The following CHRM2 variants were observed in gnomAD, a reference collection of about 807,000 sequenced individuals.
The protein encoded by CHRM2 is muscarinic acetylcholine receptor M2.
Under a neutral mutation model 25.0 loss-of-function variants are expected in CHRM2, and 8 were observed. That is an observed-to-expected ratio of 0.32 (90% CI 0.19 to 0.58). The LOEUF (loss-of-function observed/expected upper bound fraction) is 0.58, where lower values mean the gene tolerates loss of function less well. CHRM2 is among the 20% of genes least tolerant of loss of function. CHRM2 has a pLI of 0.88. For missense variants in CHRM2, 440 were observed against 567.1 expected (o/e 0.78, Z 2.28); for synonymous variants, 202 against 205.7 (o/e 0.98, Z 0.15).
chr7:137,015,771 C>G lies in CHRM2; in HGVS notation c.906C>G (p.Thr302=). The part of the protein sequence containing the change: ...VASNMRDDEI[T]QDENTVSTSL... ...CTAATATGAGAGATGATGAAATAACCCAGGATGAAAACACAGTTTCCACTT... is the reference window on the plus strand; with the variant it reads ...CTAATATGAGAGATGATGAAATAACGCAGGATGAAAACACAGTTTCCACTT... The change falls in exon 4 of 4, where the codon ACC becomes ACG. Residue 302 remains threonine, a synonymous_variant. Transcript: ENST00000680005. The surrounding 1 kb of genome is among the most constrained non-coding windows in gnomAD (Gnocchi z 5.1). The G allele has an allele frequency of 1.2e-6, 2 of 1,613,094 alleles. No homozygotes were observed. The highest frequency in any genetic ancestry group is 1.7e-6 in the Non-Finnish European group (2 of 1,179,484).
chr7:136,908,199 T>C (rs1797659244), intron 2 of CHRM2, among the ~76,000 whole-genome samples: 1 of 151,960 alleles, frequency 6.6e-6, no homozygotes, highest in Admixed American at 6.6e-5. Flanking sequence ...ATTACAGTTT[T>C]AGATCATCCT....
chr7:137,011,897 A>G (rs1403090440), intron 3 of CHRM2, among the ~76,000 whole-genome samples: 1 of 151,958 alleles, frequency 6.6e-6, no homozygotes, highest in African/African-American at 2.4e-5. Flanking sequence ...GGATTTCAAC[A>G]TTCAGAATTT....
At chr7:137,014,741 T>C in intron 3 of CHRM2, 79 bp from the exon 4 acceptor site, 1 of 913,940 alleles carries the variant, frequency 1.1e-6, no homozygotes, top group South Asian at 1.6e-5. Context: ...AATAATGTGG[T>C]TTAAAAGGAG....
At chr7:136,914,046 C>T (rs1320998342) in intron 2 of CHRM2, 1 of 151,894 alleles carries the variant, frequency 6.6e-6, no homozygotes, top group Non-Finnish European at 1.5e-5. Context: ...ACCTTGAAAC[C>T]CAACTTTAAC....
At chr7:136,888,334 G>T (rs142775122) in intron 2 of CHRM2, among the ~76,000 whole-genome samples, 1 of 152,114 alleles carries the variant, frequency 6.6e-6, no homozygotes, top group Non-Finnish European at 1.5e-5. Flanking sequence ...CCATTGCTGC[G>T]CTGGGGAAAG....
At chr7:137,006,017 G>A (rs1804401189) in intron 3 of CHRM2, among the ~76,000 whole-genome samples, 1 of 151,974 alleles carries the variant, frequency 6.6e-6, no homozygotes, top group Admixed American at 6.6e-5. Context: ...CTTCCTTGCG[G>A]GAACAAAACA....
intron 2 of CHRM2, among the ~76,000 whole-genome samples, chr7:136,913,039 C>G (rs943364117): frequency 6.6e-6 from 1 of 151,640 alleles, no homozygotes; most frequent in African/African-American, 2.4e-5. Flanking sequence ...GAAAGAAAAC[C>G]TAGAATACAA....
intron 2 of CHRM2, among the ~76,000 whole-genome samples, chr7:136,912,047 T>C (rs1174863972): frequency 1.3e-5 from 2 of 151,976 alleles, no homozygotes; most frequent in Non-Finnish European, 2.9e-5. Context: ...TATTACAATT[T>C]TGTCTTTGCA....
At chr7:136,970,809 A>T (rs544710127) in intron 2 of CHRM2, among the ~76,000 whole-genome samples, 112 of 152,318 alleles carry the variant, frequency 7.4e-4, no homozygotes, top group South Asian at 1.4e-3. Context: ...TGCACAGTTA[A>T]ACTCTGTCTC....
At chr7:136,981,174 G>T (rs1310739550) in intron 2 of CHRM2, among the ~76,000 whole-genome samples, 1 of 152,086 alleles carries the variant, frequency 6.6e-6, no homozygotes, top group Non-Finnish European at 1.5e-5. Flanking sequence ...GTCTTGGGAG[G>T]TTGTATCTGT....
chr7:136,932,552 C>T (rs1044348727), intron 2 of CHRM2, among the ~76,000 whole-genome samples: 1 of 152,176 alleles, frequency 6.6e-6, no homozygotes, highest in African/African-American at 2.4e-5. Flanking sequence ...AATTGTGCCA[C>T]AACAGCTGGA....
chr7:136,941,781 A>G (rs1178440438), intron 2 of CHRM2, among the ~76,000 whole-genome samples: 1 of 152,118 alleles, frequency 6.6e-6, no homozygotes, highest in Non-Finnish European at 1.5e-5. Context: ...GTTGTAAGGG[A>G]GAAGAGGTAT....
intron 3 of CHRM2, among the ~76,000 whole-genome samples, chr7:136,998,711 C>T (rs1268115906): frequency 1.3e-5 from 2 of 152,100 alleles, no homozygotes; most frequent in African/African-American, 4.8e-5. Flanking sequence ...AACAGATCAA[C>T]GTGAGAAACG....
At chr7:136,976,568 G>T (rs1341901560) in intron 2 of CHRM2, among the ~76,000 whole-genome samples, 2 of 152,066 alleles carry the variant, frequency 1.3e-5, no homozygotes, top group African/African-American at 4.8e-5. Flanking sequence ...CACAGCCTAG[G>T]TTCTTAAGTT....
At chr7:137,010,292 G>A (rs1267608188) in intron 3 of CHRM2, among the ~76,000 whole-genome samples, 3 of 152,030 alleles carry the variant, frequency 2.0e-5, no homozygotes, top group Non-Finnish European at 4.4e-5. Flanking sequence ...GAAACTGAGG[G>A]CAGAAACATT....
chr7:136,893,278 T>A (rs77325719), intron 2 of CHRM2, among the ~76,000 whole-genome samples: 3,062 of 152,170 alleles, frequency 0.02, 100 homozygotes, highest in African/African-American at 0.07. Flanking sequence ...TCCTTTTAGT[T>A]TGGGGAGGGG....
At chr7:137,006,158 G>GAA (rs1274435747) in intron 3 of CHRM2, among the ~76,000 whole-genome samples, 1 of 152,098 alleles carries the variant, frequency 6.6e-6, no homozygotes, top group Non-Finnish European at 1.5e-5. Flanking sequence ...TACAGAAAAA[G>GAA]GTGGATGCAG....
At chr7:136,875,580 C>T (rs577567613) in intron 2 of CHRM2, among the ~76,000 whole-genome samples, 1 of 152,202 alleles carries the variant, frequency 6.6e-6, no homozygotes, top group Non-Finnish European at 1.5e-5. Context: ...TCCCACTCTC[C>T]AGTCTTTCTC....
intron 2 of CHRM2, among the ~76,000 whole-genome samples, chr7:136,945,714 G>A (rs1183856372): frequency 6.6e-6 from 1 of 151,986 alleles, no homozygotes. Context: ...CTCTTCTTTG[G>A]TTCAGTCACA....
Sources: allele counts gnomAD v4.1 joint callset (sites outside exome capture counted in the v4.1 genomes callset), GRCh38; gene constraint gnomAD v4.1.1; non-coding constraint Gnocchi (gnomAD v3.1); transcripts MANE v1.5; gene names NCBI Gene and HGNC (gene_info 2026-07-23, HGNC 2026-07-21).